The following CCDC171 variants were observed in gnomAD, a reference collection of about 807,000 sequenced individuals.
CCDC171 encodes coiled-coil domain-containing protein 171.
Under a neutral mutation model 168.2 loss-of-function variants are expected in CCDC171, and 177 were observed. The ratio of observed to expected loss-of-function variants is 1.05; its 90% CI spans 0.93 to 1.19. CCDC171 has a LOEUF of 1.19. CCDC171 is among the 50% of genes most tolerant of loss of function. CCDC171 has a pLI of 0.00. For synonymous variants in CCDC171, 687 were observed against 540.8 expected, an observed-to-expected ratio of 1.27 and a Z score of -3.75; for missense variants, 1,991 against 1,539.0, an observed-to-expected ratio of 1.29 and a Z score of -4.91.
At chr9:15,648,107 A>G (rs2047196725) in intron 7 of CCDC171, among the ~76,000 whole-genome samples, 1 of 152,242 alleles carries the variant, frequency 6.6e-6, no homozygotes, top group African/African-American at 2.4e-5. Context: ...GCAAATCAAT[A>G]AACGTAATCC....
At chr9:15,652,205 T>C (rs987526796) in intron 7 of CCDC171, among the ~76,000 whole-genome samples, 4 of 152,174 alleles carry the variant, frequency 2.6e-5, no homozygotes, top group African/African-American at 7.2e-5. Context: ...TTAGAATTTA[T>C]TTTTTTATAT....
intron 25 of CCDC171, among the ~76,000 whole-genome samples, chr9:15,921,879 A>G (rs1344418337): frequency 6.6e-6 from 1 of 151,702 alleles, no homozygotes; most frequent in Admixed American, 6.6e-5. Context: ...AAGTTGTATC[A>G]GCTTTGTTGG....
intron 11 of CCDC171, among the ~76,000 whole-genome samples, chr9:15,717,028 A>G (rs1003957517): frequency 1.3e-5 from 2 of 152,174 alleles, no homozygotes; most frequent in African/African-American, 4.8e-5. Flanking sequence ...AAGAACCAAA[A>G]ATCAGATGAG....
chr9:15,673,192 C>A (rs530368392), intron 9 of CCDC171, among the ~76,000 whole-genome samples: 1 of 152,254 alleles, frequency 6.6e-6, no homozygotes, highest in African/African-American at 2.4e-5. Flanking sequence ...GATTTTTGCA[C>A]ATTAATTTTG....
chr9:15,561,483 G>T (rs976283084), intron 1 of CCDC171, among the ~76,000 whole-genome samples: 1 of 152,110 alleles, frequency 6.6e-6, no homozygotes, highest in Non-Finnish European at 1.5e-5. Flanking sequence ...AGTTTCACAG[G>T]GAAGTTCCAA....
At chr9:15,774,694 C>T (rs553815682) in intron 18 of CCDC171, among the ~76,000 whole-genome samples, 20 of 152,150 alleles carry the variant, frequency 1.3e-4, no homozygotes, top group Non-Finnish European at 2.4e-4. Context: ...TGCAAAAGTG[C>T]GGAACCAGCT....
intron 7 of CCDC171, among the ~76,000 whole-genome samples, chr9:15,644,576 C>T (rs373566990): frequency 5.3e-5 from 8 of 152,292 alleles, no homozygotes; most frequent in African/African-American, 1.2e-4. Flanking sequence ...TCTTAGCAAA[C>T]GGAACACCAG....
chr9:15,799,006 G>T (rs1007448203), intron 21 of CCDC171, among the ~76,000 whole-genome samples: 1 of 150,722 alleles, frequency 6.6e-6, no homozygotes, highest in Non-Finnish European at 1.5e-5. Flanking sequence ...TCTTTGTGTT[G>T]TTGTCATAGA....
At chr9:15,566,043 A>G (rs141712848) in intron 2 of CCDC171, among the ~76,000 whole-genome samples, 1 of 152,122 alleles carries the variant, frequency 6.6e-6, no homozygotes, top group Non-Finnish European at 1.5e-5. Context: ...CAATTTAGCC[A>G]TTTTGGTGAG....
chr9:15,921,823 T>G (rs564683009), intron 25 of CCDC171, among the ~76,000 whole-genome samples: 65 of 151,766 alleles, frequency 4.3e-4, no homozygotes, highest in African/African-American at 1.5e-3. Context: ...TCATATTTCT[T>G]CTTGCTATCT....
chr9:15,569,052 A>G lies in CCDC171; in HGVS notation c.42-2572A>G, dbSNP rs115261655. On this transcript the variant is annotated intron_variant, in intron 2 of 25. Coordinates refer to ENST00000380701, the MANE Select transcript of CCDC171 (RefSeq NM_173550.4). ...AAACATATTTGTTAGTCTTTTGTAT[A>G]AAACCTATTTATTTCTCTCTAGACT... 2.1e-3 allele frequency among the ~76,000 whole-genome samples: 327 copies of G among 152,330 alleles called. 2 individuals are homozygous for G. The highest frequency in any genetic ancestry group is 7.3e-3 in the African/African-American group (302 of 41,578).
At chr9:16,057,361 G>C (rs1416641841) in intron 1 of CCDC171, among the ~76,000 whole-genome samples, 2 of 152,236 alleles carry the variant, frequency 1.3e-5, no homozygotes, top group African/African-American at 2.4e-5. Flanking sequence ...ATAAACGGTA[G>C]TGGGAAGGGA....
intron 21 of CCDC171, among the ~76,000 whole-genome samples, chr9:15,816,821 C>G (rs146506185): frequency 3.4e-5 from 4 of 118,274 alleles, no homozygotes; most frequent in African/African-American, 1.3e-4. Context: ...ATATAATATT[C>G]TGTTTCATGA....
intron 25 of CCDC171, among the ~76,000 whole-genome samples, chr9:15,958,202 G>A (rs781173567): frequency 1.9e-4 from 29 of 149,922 alleles, no homozygotes; most frequent in Non-Finnish European, 3.4e-4. Context: ...CACTGTGCAG[G>A]CCACTGGTAA....
At chr9:15,953,268 A>G (rs2132508667) in intron 25 of CCDC171, among the ~76,000 whole-genome samples, 1 of 152,280 alleles carries the variant, frequency 6.6e-6, no homozygotes, top group East Asian at 1.9e-4. Context: ...TCATAAAGAG[A>G]AAGCTTTCAT....
At chr9:15,717,162 G>T (rs1271131397) in intron 11 of CCDC171, among the ~76,000 whole-genome samples, 2 of 152,184 alleles carry the variant, frequency 1.3e-5, no homozygotes, top group African/African-American at 4.8e-5. Context: ...GTGGTGGGGG[G>T]AATCTGTGCA....
rs529447103 is a variant in CCDC171 at position 15,929,295 on chromosome 9, AT to A, written c.3753+8874del. On this transcript the variant is annotated intron_variant, in intron 25 of 25. Transcript: ENST00000380701. The stretch of plus-strand genomic sequence containing the variant: ...TTTTTCAAAGAATGGCAACAACTAA[AT>A]ATGCTTCTGAGTGTCTCCCCTACTA... 5.0e-4 allele frequency among the ~76,000 whole-genome samples: 76 copies of A among 151,872 alleles called. 1 individual carries two copies. Among genetic ancestry groups the A allele is most frequent in the African/African-American group, 1.6e-3 (68 of 41,502 alleles).
At chr9:15,898,744 G>A (rs1821239743) in intron 24 of CCDC171, among the ~76,000 whole-genome samples, 1 of 152,026 alleles carries the variant, frequency 6.6e-6, no homozygotes, top group Admixed American at 6.6e-5. Context: ...TACAAAAATA[G>A]CACAGGGAGG....
chr9:15,979,797 T>C (rs1831737835), intron 3 of CCDC171, among the ~76,000 whole-genome samples: 1 of 151,982 alleles, frequency 6.6e-6, no homozygotes, highest in South Asian at 2.1e-4. Flanking sequence ...ACTGGGCTCA[T>C]AGAATGATTG....
Sources: allele counts gnomAD v4.1 joint callset (sites outside exome capture counted in the v4.1 genomes callset), GRCh38; gene constraint gnomAD v4.1.1; transcripts MANE v1.5; gene names NCBI Gene and HGNC (gene_info 2026-07-23, HGNC 2026-07-21).